Variants in ANK3 observed in about 807,000 individuals in gnomAD.
ANK3 encodes the protein ankyrin 3.
ANK3 carries 57 observed loss-of-function variants against 370.9 expected under a neutral mutation model. The observed-to-expected ratio is 0.15, with a 90% CI of 0.12 to 0.19. ANK3 has a LOEUF of 0.19. ANK3 is among the 10% of genes least tolerant of loss of function. The pLI is 1.00. For missense variants in ANK3, 4,439 were observed against 5,302.1 expected, an observed-to-expected ratio of 0.84 and a Z score of 5.06; for synonymous variants, 1,929 against 1,946.3, an observed-to-expected ratio of 0.99 and a Z score of 0.23.
At chr10:60,202,037 G>A (rs10994250) in intron 12 of ANK3, among the ~76,000 whole-genome samples, 26,111 of 150,238 alleles carry the variant, frequency 0.17, 2,337 homozygotes, top group African/African-American at 0.19. Flanking sequence ...TTGTATAAAC[G>A]ACGATAGTAT....
chr10:60,440,391 G>A (rs925061338), intron 2 of ANK3, among the ~76,000 whole-genome samples: 10 of 152,090 alleles, frequency 6.6e-5, no homozygotes, highest in Non-Finnish European at 1.3e-4. Context: ...GTGGAAGGGG[G>A]AGCAGGCATC....
At chr10:60,244,398 C>CT (rs1005779503) in intron 7 of ANK3, among the ~76,000 whole-genome samples, 30 of 152,046 alleles carry the variant, frequency 2.0e-4, no homozygotes, top group African/African-American at 7.2e-4. Context: ...CTTATACAGC[C>CT]TTTTAGTTTG....
chr10:60,174,359 A>AC (rs2095870149), intron 18 of ANK3, among the ~76,000 whole-genome samples: 1 of 152,120 alleles, frequency 6.6e-6, no homozygotes, highest in Admixed American at 6.5e-5. Flanking sequence ...ACAACCTCTA[A>AC]CGCTACTGAA....
chr10:60,717,655 A>G lies in ANK3; in HGVS notation c.57+15608T>C, dbSNP rs191105885. ...ATTTATTATGCCCATTTTCCTTAAAAGAAACTGAGATACAAGTCAACAAAA... is the reference window on the plus strand; with the variant it reads ...ATTTATTATGCCCATTTTCCTTAAAGGAAACTGAGATACAAGTCAACAAAA... On this transcript the variant is annotated intron_variant, in intron 1 of 43. Transcript: ENST00000373827. Among the ~76,000 whole-genome samples, 5 of 152,362 alleles carry G rather than the reference A, an allele frequency of 3.3e-5. No individual in the cohort carries two copies. In the East Asian group the frequency reaches 9.6e-4, roughly 29 times the overall value.
intron 1 of ANK3, among the ~76,000 whole-genome samples, chr10:60,705,907 C>T (rs575505021): frequency 3.3e-5 from 5 of 150,088 alleles, no homozygotes; most frequent in East Asian, 3.9e-4. Context: ...ACTGCACCCT[C>T]GACCACCCAG....
At chr10:60,543,687 A>G (rs923546936) in intron 2 of ANK3, among the ~76,000 whole-genome samples, 1 of 152,018 alleles carries the variant, frequency 6.6e-6, no homozygotes, top group Non-Finnish European at 1.5e-5. Context: ...ACATGTATTT[A>G]TTCTTAAATA....
chr10:60,534,257 G>A (rs564299210), intron 2 of ANK3, among the ~76,000 whole-genome samples: 79 of 152,210 alleles, frequency 5.2e-4, no homozygotes, highest in African/African-American at 1.7e-3. Context: ...GAGTGCAATG[G>A]TTGGCACGTC....
intron 1 of ANK3, among the ~76,000 whole-genome samples, chr10:60,302,071 G>A (rs1009628905): frequency 6.6e-6 from 1 of 152,020 alleles, no homozygotes; most frequent in Non-Finnish European, 1.5e-5. Context: ...CAGTGGGGGA[G>A]GAAAAACAAT....
At chr10:60,417,309 C>T (rs573566480) in intron 2 of ANK3, among the ~76,000 whole-genome samples, 20 of 152,094 alleles carry the variant, frequency 1.3e-4, no homozygotes, top group African/African-American at 2.7e-4. Flanking sequence ...AGCAACTTGA[C>T]GGGGGGTCAG....
In ANK3 at chr10:60,563,888, T is replaced by C. The variant is rs1466794586; in HGVS notation, c.96+51298A>G. On this transcript the variant is annotated intron_variant, in intron 2 of 43. Coordinates refer to the ANK3 transcript ENST00000373827. ...TAAGTTTGATTTTTAAAAGGTGATA[T>C]TATACTACAGGTCTAACATTTTATG... is the stretch of plus-strand genomic sequence containing the variant. Among the ~76,000 whole-genome samples, 4 of 152,174 alleles carry C rather than the reference T, an allele frequency of 2.6e-5. No individual in the cohort carries two copies. In the South Asian group the frequency reaches 6.2e-4, roughly 24 times the overall value.
At chr10:60,466,573 C>G (rs1448372445) in intron 2 of ANK3, among the ~76,000 whole-genome samples, 3 of 152,110 alleles carry the variant, frequency 2.0e-5, no homozygotes, top group Non-Finnish European at 4.4e-5. Context: ...AAGATATATA[C>G]CCTCCAAAAC....
chr10:60,590,840 T>C (rs946499068), intron 2 of ANK3, among the ~76,000 whole-genome samples: 1 of 152,196 alleles, frequency 6.6e-6, no homozygotes, highest in African/African-American at 2.4e-5. Flanking sequence ...ACTATATTGG[T>C]TTTTTACTTG....
intron 2 of ANK3, among the ~76,000 whole-genome samples, chr10:60,434,783 A>G (rs949212225): frequency 2.0e-5 from 3 of 152,236 alleles, no homozygotes; most frequent in African/African-American, 7.2e-5. Flanking sequence ...TTCAGAATCT[A>G]TACACCTGCA....
At chr10:60,562,339 C>T (rs891679566) in intron 2 of ANK3, among the ~76,000 whole-genome samples, 16 of 150,888 alleles carry the variant, frequency 1.1e-4, no homozygotes, top group African/African-American at 3.9e-4. Flanking sequence ...CTTATGGGTG[C>T]TGTTAAAGCT....
intron 2 of ANK3, among the ~76,000 whole-genome samples, chr10:60,558,929 T>C (rs1424168374): frequency 6.6e-6 from 1 of 152,180 alleles, no homozygotes; most frequent in East Asian, 1.9e-4. Flanking sequence ...TATTCTGATT[T>C]GTAAAGAAGA....
At chr10:60,439,100 C>A (rs374877775) in intron 2 of ANK3, among the ~76,000 whole-genome samples, 7 of 152,126 alleles carry the variant, frequency 4.6e-5, no homozygotes, top group East Asian at 1.9e-4. Context: ...TATTCCAAAG[C>A]TGCAGGCAAC....
At chr10:60,050,678 A>C (rs1028033478) in intron 42 of ANK3, 2 of 152,226 alleles carry the variant, frequency 1.3e-5, no homozygotes, top group Non-Finnish European at 2.9e-5. Flanking sequence ...GAAGTAATGA[A>C]GACAAGGGGG....
intron 2 of ANK3, among the ~76,000 whole-genome samples, chr10:60,581,476 G>T (rs1239033132): frequency 6.7e-6 from 1 of 148,318 alleles, no homozygotes; most frequent in Non-Finnish European, 1.5e-5. Flanking sequence ...CCAGGCTGGA[G>T]TGCAGTGGCA....
intron 1 of ANK3, among the ~76,000 whole-genome samples, chr10:60,362,109 T>A (rs2132740353): frequency 6.6e-6 from 1 of 152,282 alleles, no homozygotes; most frequent in Admixed American, 6.5e-5. Flanking sequence ...ACAACATATC[T>A]ATACTCTCAG....
Sources: allele counts gnomAD v4.1 joint callset (sites outside exome capture counted in the v4.1 genomes callset), GRCh38; gene constraint gnomAD v4.1.1; transcripts MANE v1.5; gene names NCBI Gene and HGNC (gene_info 2026-07-23, HGNC 2026-07-21).